DTD1: variants seen among roughly 807,000 people sequenced by gnomAD.
DTD1 encodes the protein D-aminoacyl-tRNA deacylase 1, also known as D-tyrosyl-tRNA deacylase 1 homolog.
DTD1 carries 13 observed loss-of-function variants against 25.6 expected under a neutral mutation model. The observed-to-expected ratio is 0.51, with a 90% CI of 0.33 to 0.81. The LOEUF is 0.81. Ranked by LOEUF, DTD1 falls within the 30% of genes least tolerant of loss-of-function variation. The probability of loss-of-function intolerance (pLI) is 0.02; values close to 1 mark genes in which losing one functional copy is unlikely to be tolerated. For missense variants in DTD1, 193 were observed against 266.4 expected (o/e 0.72, Z 1.92); for synonymous variants, 110 against 103.6 (o/e 1.06, Z -0.37).
At position 18,736,558 on chromosome 20, in the gene DTD1, G is replaced by A. The variant is rs188114657; in HGVS notation, c.478-7542G>A. On this transcript the variant is annotated intron_variant, in intron 4 of 5. Coordinates refer to ENST00000377452, the MANE Select transcript of DTD1 (RefSeq NM_080820.6). ...CAGAGGCAAATCGCAATTCCCTGTTGATCTGGTGCTTTGCACGACTCAGGG... is the reference window on the plus strand; with the variant it reads ...CAGAGGCAAATCGCAATTCCCTGTTAATCTGGTGCTTTGCACGACTCAGGG... Among the ~76,000 whole-genome samples, 510 of 152,328 alleles carry A rather than the reference G, an allele frequency of 3.3e-3. 2 individuals are homozygous for A. The highest frequency in any genetic ancestry group is 0.012 in the African/African-American group (480 of 41,576).
At chr20:18,731,427 T>C (rs2061238819) in intron 4 of DTD1, among the ~76,000 whole-genome samples, 1 of 152,224 alleles carries the variant, frequency 6.6e-6, no homozygotes, top group Non-Finnish European at 1.5e-5. Flanking sequence ...ATTTAAGTTG[T>C]TTATTAAAGT....
chr20:18,653,177 A>C (rs984690431), intron 4 of DTD1, among the ~76,000 whole-genome samples: 1 of 152,308 alleles, frequency 6.6e-6, no homozygotes, highest in Non-Finnish European at 1.5e-5. Flanking sequence ...TGAGGTGGGC[A>C]TATTGCTTGA....
intron 4 of DTD1, among the ~76,000 whole-genome samples, chr20:18,656,614 C>T (rs2060892646): frequency 6.6e-6 from 1 of 152,216 alleles, no homozygotes; most frequent in East Asian, 1.9e-4. Context: ...TGCCTCGCTC[C>T]TCTGGTCGTC....
At chr20:18,650,729 T>G (rs1199493149) in intron 4 of DTD1, among the ~76,000 whole-genome samples, 1 of 152,226 alleles carries the variant, frequency 6.6e-6, no homozygotes, top group Non-Finnish European at 1.5e-5. Flanking sequence ...TGCTATTTGC[T>G]GTGTAAGGTT....
At chr20:18,705,401 G>T (rs1196377426) in intron 4 of DTD1, among the ~76,000 whole-genome samples, 1 of 152,086 alleles carries the variant, frequency 6.6e-6, no homozygotes, top group African/African-American at 2.4e-5. Context: ...TCCCGCCCCT[G>T]CCTGTACCCT....
chr20:18,715,381 T>TA (rs1202410527), intron 4 of DTD1, among the ~76,000 whole-genome samples: 2 of 152,216 alleles, frequency 1.3e-5, no homozygotes, highest in African/African-American at 4.8e-5. Flanking sequence ...CATATCTGCT[T>TA]CATCTTTGGA....
intron 4 of DTD1, among the ~76,000 whole-genome samples, chr20:18,720,649 G>A (rs2061198811): frequency 6.6e-6 from 1 of 152,102 alleles, no homozygotes; most frequent in Non-Finnish European, 1.5e-5. Flanking sequence ...GAGTCCGGGA[G>A]TTTGAGACAA....
intron 4 of DTD1, among the ~76,000 whole-genome samples, chr20:18,682,348 A>G (rs570082941): frequency 7.2e-5 from 11 of 152,212 alleles, no homozygotes; most frequent in Non-Finnish European, 1.6e-4. Context: ...TGTGCTGTAA[A>G]CTGTGTTCCT....
intron 4 of DTD1, among the ~76,000 whole-genome samples, chr20:18,654,024 G>C (rs1280536325): frequency 6.6e-6 from 1 of 152,126 alleles, no homozygotes; most frequent in South Asian, 2.1e-4. Context: ...ATTTTTTTCT[G>C]ACTGAACTTC....
At chr20:18,603,087 A>G (rs2060642237) in intron 3 of DTD1, among the ~76,000 whole-genome samples, 1 of 99,056 alleles carries the variant, frequency 1.0e-5, no homozygotes, top group South Asian at 3.1e-4. Context: ...AAGATCTACC[A>G]AGCAAATGGA....
intron 4 of DTD1, among the ~76,000 whole-genome samples, chr20:18,741,911 T>G (rs1444565159): frequency 6.7e-6 from 1 of 149,292 alleles, no homozygotes; most frequent in African/African-American, 2.5e-5. Flanking sequence ...TTTTTTTTTT[T>G]TTTTTTTTGT....
At chr20:18,627,541 C>T (rs375461346) in intron 3 of DTD1, among the ~76,000 whole-genome samples, 24 of 152,294 alleles carry the variant, frequency 1.6e-4, no homozygotes, top group East Asian at 3.9e-4. Flanking sequence ...CTGTTGGGCA[C>T]GCAGCAGCCT....
intron 4 of DTD1, among the ~76,000 whole-genome samples, chr20:18,719,772 C>T (rs1387968802): frequency 6.6e-6 from 1 of 152,220 alleles, no homozygotes; most frequent in African/African-American, 2.4e-5. Context: ...ACTTAAGACA[C>T]TTACTTTTAT....
In DTD1 at chr20:18,603,762, C is replaced by T. The variant is rs1351686839; in HGVS notation, c.370+7521C>T. ...ACACAATATACCAGAATCTCTGGGA[C>T]GCATTCAAAGCAGTGTGTAGAGGGA... On this transcript the variant is annotated intron_variant, in intron 3 of 5. Coordinates refer to ENST00000377452, the MANE Select transcript of DTD1 (RefSeq NM_080820.6). Among the ~76,000 whole-genome samples the T allele has an allele frequency of 6.5e-3, 823 of 125,982 alleles. 13 individuals carry two copies. The highest frequency in any genetic ancestry group is 0.023 in the African/African-American group (769 of 33,212). 82.6% of individuals were successfully genotyped at this position (125,982 alleles called of 152,430 possible). A position where few individuals can be genotyped will look rare whatever the true frequency, so the allele number is the denominator to read the frequency against.
At chr20:18,747,773 G>A (rs1457373970) in intron 5 of DTD1, among the ~76,000 whole-genome samples, 1 of 151,852 alleles carries the variant, frequency 6.6e-6, no homozygotes, top group Non-Finnish European at 1.5e-5. Context: ...AGCACTTTGG[G>A]AGGCCCAGGC....
At chr20:18,615,375 A>G (rs2060705350) in intron 3 of DTD1, among the ~76,000 whole-genome samples, 1 of 152,184 alleles carries the variant, frequency 6.6e-6, no homozygotes, top group Non-Finnish European at 1.5e-5. Context: ...TCTACTGAGA[A>G]TGAGCTAAAC....
intron 5 of DTD1, among the ~76,000 whole-genome samples, chr20:18,745,419 G>A (rs2122523132): frequency 6.6e-6 from 1 of 152,318 alleles, no homozygotes; most frequent in African/African-American, 2.4e-5. Context: ...GACCTGTCAT[G>A]GGGAGGTCAC....
chr20:18,707,548 A>G (rs2061131560), intron 4 of DTD1, among the ~76,000 whole-genome samples: 1 of 152,158 alleles, frequency 6.6e-6, no homozygotes, highest in Non-Finnish European at 1.5e-5. Flanking sequence ...CCAGACTCTA[A>G]AGGGAGCGAG....
chr20:18,744,993 C>T (rs1435291304), intron 5 of DTD1, among the ~76,000 whole-genome samples: 24 of 152,204 alleles, frequency 1.6e-4, no homozygotes, highest in Non-Finnish European at 2.9e-5. Flanking sequence ...CTCTGGCTGC[C>T]TGTGCCAGTC....
Sources: gnomAD v4.1 joint callset for allele counts (sites outside exome capture counted in the v4.1 genomes callset) on GRCh38, gnomAD v4.1.1 for gene constraint, MANE v1.5 for transcripts, NCBI Gene and HGNC (gene_info 2026-07-23, HGNC 2026-07-21) for gene names.